The following MAML3 variants were observed in gnomAD, a reference collection of about 807,000 sequenced individuals.
MAML3 encodes the protein mastermind-like protein 3.
Under a neutral mutation model 101.9 loss-of-function variants are expected in MAML3, and 27 were observed. That is an observed-to-expected ratio of 0.27 (90% CI 0.20 to 0.37). The LOEUF (loss-of-function observed/expected upper bound fraction) is 0.37, where lower values mean the gene tolerates loss of function less well. MAML3 is among the 10% of genes least tolerant of loss of function. The probability of loss-of-function intolerance (pLI) is 1.00; values close to 1 mark genes in which losing one functional copy is unlikely to be tolerated. For missense variants in MAML3, 1,316 were observed against 1,444.9 expected (o/e 0.91, Z 1.45); for synonymous variants, 501 against 555.9 (o/e 0.90, Z 1.39).
chr4:139,900,020 T>C (rs571698329), intron 1 of MAML3, among the ~76,000 whole-genome samples: 3 of 152,046 alleles, frequency 2.0e-5, no homozygotes, highest in Admixed American at 6.5e-5. Flanking sequence ...TCTGAAATAA[T>C]AGCTGCAGAG....
At chr4:139,875,871 A>G (rs530772437) in intron 2 of MAML3, among the ~76,000 whole-genome samples, 2 of 147,114 alleles carry the variant, frequency 1.4e-5, no homozygotes, top group East Asian at 2.1e-4. Flanking sequence ...GTAGGATTAC[A>G]TAGTTTTTAA....
Position 140,153,103 on chromosome 4 carries a change from C to T in MAML3, c.225G>A (p.Glu75=). 4 of 1,552,104 alleles carry T rather than the reference C, an allele frequency of 2.6e-6. No individual in the cohort carries two copies. Among genetic ancestry groups the T allele is most frequent in the Non-Finnish European group, 3.5e-6 (4 of 1,147,436 alleles). Residue 75 remains glutamate (E), a synonymous_variant, in exon 1 of 5, where the codon GAG becomes GAA. Transcript: ENST00000509479. The part of the protein sequence containing the change: ...AAVPKHSTVV[E]RLRQRIEGCR... ...AGCCCTCGATGCGCTGGCGGAGCCG[C>T]TCCACCACGGTGCTGTGCTTGGGAA...
chr4:140,083,037 A>C (rs770634786), intron 1 of MAML3, among the ~76,000 whole-genome samples: 5 of 152,218 alleles, frequency 3.3e-5, no homozygotes, highest in Admixed American at 6.5e-5. Flanking sequence ...AGTGCTTAAC[A>C]GTTTACTCTG....
chr4:140,047,376 C>T (rs1727199382), intron 1 of MAML3, among the ~76,000 whole-genome samples: 1 of 152,094 alleles, frequency 6.6e-6, no homozygotes, highest in Non-Finnish European at 1.5e-5. Flanking sequence ...GAGAATTATA[C>T]ACCAGGAAGA....
chr4:139,721,080 T>A (rs1284545666), intron 4 of MAML3, among the ~76,000 whole-genome samples: 1 of 152,242 alleles, frequency 6.6e-6, no homozygotes, highest in East Asian at 1.9e-4. Context: ...TCCTGCTACG[T>A]GCGACTTGGC....
At chr4:139,966,339 T>A (rs1355334) in intron 1 of MAML3, among the ~76,000 whole-genome samples, 102,210 of 151,970 alleles carry the variant, frequency 0.67, 34,726 homozygotes, top group Admixed American at 0.8. Context: ...ACGTTAGGTT[T>A]TAACACATGC....
intron 2 of MAML3, among the ~76,000 whole-genome samples, chr4:139,839,895 C>T (rs1464967555): frequency 6.6e-6 from 1 of 152,088 alleles, no homozygotes; most frequent in Non-Finnish European, 1.5e-5. Flanking sequence ...TGCTGGTGGC[C>T]AGCAGTGGGG....
intron 1 of MAML3, among the ~76,000 whole-genome samples, chr4:140,146,438 C>T (rs1350725292): frequency 1.3e-5 from 2 of 152,168 alleles, no homozygotes; most frequent in African/African-American, 2.4e-5. Flanking sequence ...ATACAGCAGG[C>T]CCTCAACTCC....
intron 2 of MAML3, among the ~76,000 whole-genome samples, chr4:139,811,244 C>A (rs890798709): frequency 2.6e-5 from 4 of 152,184 alleles, no homozygotes; most frequent in Admixed American, 6.5e-5. Context: ...TATTACAGGG[C>A]AGAGCTGGAA....
intron 1 of MAML3, among the ~76,000 whole-genome samples, chr4:140,123,894 G>A (rs1477867995): frequency 1.3e-5 from 2 of 152,222 alleles, no homozygotes; most frequent in Non-Finnish European, 2.9e-5. Context: ...CTGAGGTGGT[G>A]CGAGGTGAGA....
chr4:139,993,519 C>A (rs1167328047), intron 1 of MAML3, among the ~76,000 whole-genome samples: 1 of 151,450 alleles, frequency 6.6e-6, no homozygotes, highest in Non-Finnish European at 1.5e-5. Context: ...ATCTCCTCTT[C>A]TGATACTCAA....
intron 2 of MAML3, among the ~76,000 whole-genome samples, chr4:139,776,796 G>A (rs1270575446): frequency 6.6e-6 from 1 of 152,184 alleles, no homozygotes; most frequent in Non-Finnish European, 1.5e-5. Context: ...GACATGTAAA[G>A]GCCAGGAAGC....
In MAML3 at chr4:139,890,962, T is replaced by C; in HGVS notation, c.474A>G (p.Gln158=). The change falls in exon 2 of 5, where the codon CAA becomes CAG. Residue 158 remains glutamine (Q), a synonymous_variant. Coordinates refer to ENST00000509479, the MANE Select transcript of MAML3 (RefSeq NM_018717.5). This position sits in a 1 kb window ranked among gnomAD's most constrained non-coding sequence, Gnocchi z 4.1. The part of the protein sequence containing the change: ...EQRNHTLIML[Q]ETVKRKLEGA... ...CTTCCAACTTCCTTTTCACAGTCTC[T>C]TGTAGCTGGAAAAGAAACAGGAAAG... The C allele has an allele frequency of 6.2e-7, 1 of 1,609,046 alleles. No homozygotes were observed. Among genetic ancestry groups the C allele is most frequent in the Non-Finnish European group, 8.5e-7 (1 of 1,176,528 alleles).
chr4:140,049,251 C>T (rs1727229936), intron 1 of MAML3, among the ~76,000 whole-genome samples: 1 of 152,206 alleles, frequency 6.6e-6, no homozygotes, highest in South Asian at 2.1e-4. Flanking sequence ...TCTCCCTCGC[C>T]GCCTCCCTTT....
rs1305226580 is a variant in MAML3 at position 139,822,225 on chromosome 4, T to TCATCAC, written c.2079+67131_2079+67132insGTGATG. ...AGGATCATCATTATCATTATCACCATCACCACCACCACCACCACCACCACC... is the reference window on the plus strand; with the variant it reads ...AGGATCATCATTATCATTATCACCATCATCACCACCACCACCACCACCACCACCACC... On this transcript the variant is annotated intron_variant, in intron 2 of 4. Transcript: ENST00000509479. Among the ~76,000 whole-genome samples the TCATCAC allele has an allele frequency of 5.4e-4, 69 of 126,676 alleles. 2 individuals carry two copies. In the East Asian group the frequency reaches 0.015, roughly 28 times the overall value. 83.1% of individuals were successfully genotyped at this position (126,676 alleles called of 152,430 possible). A position where few individuals can be genotyped will look rare whatever the true frequency, so the allele number is the denominator to read the frequency against.
intron 2 of MAML3, among the ~76,000 whole-genome samples, chr4:139,742,298 G>A (rs1729195969): frequency 6.6e-6 from 1 of 152,088 alleles, no homozygotes; most frequent in African/African-American, 2.4e-5. Flanking sequence ...ACAGGCGTGT[G>A]CCACCACGCC....
intron 1 of MAML3, among the ~76,000 whole-genome samples, chr4:140,143,899 C>T (rs991191462): frequency 1.3e-5 from 2 of 152,198 alleles, no homozygotes; most frequent in Non-Finnish European, 2.9e-5. Context: ...TCTTCCCAGG[C>T]ATCCTTCACC....
At chr4:140,065,602 T>C (rs1057224537) in intron 1 of MAML3, among the ~76,000 whole-genome samples, 40 of 152,162 alleles carry the variant, frequency 2.6e-4, no homozygotes, top group African/African-American at 9.2e-4. Flanking sequence ...CTAGCAGAGT[T>C]TGTTGTGAGA....
rs192878384 is a variant in MAML3 at position 139,908,495 on chromosome 4, A to G, written c.469-17528T>C. Reference sequence around the variant, plus strand: ...GAATGTTTAACCTACTTAATATAGAAATGAGTCTCAAAAACTCAAGAACTC... The same window carrying G: ...GAATGTTTAACCTACTTAATATAGAGATGAGTCTCAAAAACTCAAGAACTC... On this transcript the variant is annotated intron_variant, in intron 1 of 4. Coordinates refer to ENST00000509479, the MANE Select transcript of MAML3 (RefSeq NM_018717.5). 2.0e-5 allele frequency among the ~76,000 whole-genome samples: 3 copies of G among 152,324 alleles called. No homozygotes were observed. The East Asian group carries it at 5.8e-4, about 29-fold the overall frequency.
Sources: gnomAD v4.1 joint callset for allele counts (sites outside exome capture counted in the v4.1 genomes callset) on GRCh38, gnomAD v4.1.1 for gene constraint, Gnocchi (gnomAD v3.1) non-coding constraint, MANE v1.5 for transcripts, NCBI Gene and HGNC (gene_info 2026-07-23, HGNC 2026-07-21) for gene names.